HIP1: variants seen among roughly 807,000 people sequenced by gnomAD.
The protein encoded by HIP1 is huntingtin interacting protein 1, also known as huntingtin-interacting protein 1.
In HIP1, 65 loss-of-function variants were observed where a neutral mutation model predicts 147.6. That is an observed-to-expected ratio of 0.44 (90% confidence interval 0.36 to 0.54). The LOEUF is 0.54. HIP1 is among the 20% of genes least tolerant of loss of function. The pLI, the probability that HIP1 is intolerant of heterozygous loss-of-function variation, is 0.00. For synonymous variants in HIP1, 479 were observed against 504.0 expected (o/e 0.95, Z 0.67); for missense variants, 1,061 against 1,299.6 (o/e 0.82, Z 2.82).
intron 1 of HIP1, among the ~76,000 whole-genome samples, chr7:75,620,376 A>G (rs1554506819): frequency 1.6e-5 from 2 of 127,284 alleles, no homozygotes; most frequent in African/African-American, 6.4e-5. Flanking sequence ...ACAGAGCAAG[A>G]CCATGTCTTT....
intron 1 of HIP1, among the ~76,000 whole-genome samples, chr7:75,690,757 A>C (rs1423632883): frequency 2.0e-5 from 3 of 151,764 alleles, no homozygotes; most frequent in African/African-American, 7.3e-5. Context: ...AGCTACTCGG[A>C]AGGCTGAGGC....
At chr7:75,651,151 G>A (rs1172822548) in intron 1 of HIP1, among the ~76,000 whole-genome samples, 1 of 151,782 alleles carries the variant, frequency 6.6e-6, no homozygotes, top group Non-Finnish European at 1.5e-5. Context: ...GCATGAAAAC[G>A]GGGGAGGGTG....
chr7:75,572,200 G>T (rs1195498122), intron 8 of HIP1, among the ~76,000 whole-genome samples: 2 of 150,958 alleles, frequency 1.3e-5, no homozygotes, highest in African/African-American at 4.9e-5. Context: ...CTCTAGCCTG[G>T]GTGAGAGAGT....
intron 1 of HIP1, among the ~76,000 whole-genome samples, chr7:75,673,224 T>C (rs1799779201): frequency 1.3e-5 from 2 of 151,924 alleles, no homozygotes; most frequent in African/African-American, 4.8e-5. Flanking sequence ...AGTTTCACTA[T>C]ATTGACCAGG....
intron 2 of HIP1, among the ~76,000 whole-genome samples, chr7:75,594,205 G>A (rs1301922613): frequency 8.6e-5 from 13 of 151,854 alleles, no homozygotes; most frequent in Non-Finnish European, 1.3e-4. Flanking sequence ...GCTTGAACCC[G>A]GGAGGCAGAG....
At chr7:75,638,729 C>A (rs1554510033) in intron 1 of HIP1, among the ~76,000 whole-genome samples, 2 of 152,126 alleles carry the variant, frequency 1.3e-5, no homozygotes, top group African/African-American at 2.4e-5. Context: ...CCCCTTCCGG[C>A]GGCGCTGCCC....
At chr7:75,612,537 G>A (rs763211932) in intron 1 of HIP1, among the ~76,000 whole-genome samples, 6 of 151,408 alleles carry the variant, frequency 4.0e-5, no homozygotes, top group Non-Finnish European at 8.8e-5. Flanking sequence ...GGCTGGGCGC[G>A]GTGGCTCATG....
chr7:75,661,497 C>A (rs1055877139), intron 1 of HIP1, among the ~76,000 whole-genome samples: 6 of 146,854 alleles, frequency 4.1e-5, no homozygotes, highest in African/African-American at 1.5e-4. Flanking sequence ...CACTTGAACC[C>A]AGGAGGCGGA....
At chr7:75,723,940 A>C (rs1212816271) in intron 1 of HIP1, among the ~76,000 whole-genome samples, 1 of 133,992 alleles carries the variant, frequency 7.5e-6, no homozygotes, top group Non-Finnish European at 1.6e-5. Flanking sequence ...ATTATCATTT[A>C]TATATATATA....
chr7:75,700,887 A>G (rs1374003456), intron 1 of HIP1, among the ~76,000 whole-genome samples: 14 of 151,622 alleles, frequency 9.2e-5, no homozygotes, highest in African/African-American at 3.4e-4. Context: ...TTGTATTTTT[A>G]GTAGAGACGG....
chr7:75,599,113 G>A (rs1360477629), intron 2 of HIP1, 71 bp downstream of exon 2: 7 of 1,165,076 alleles, frequency 6.0e-6, no homozygotes, highest in Non-Finnish European at 9.1e-6. Flanking sequence ...AAGGCAGCCT[G>A]GCCCTGACCT....
At chr7:75,716,830 G>T (rs868985488) in intron 1 of HIP1, among the ~76,000 whole-genome samples, 4 of 150,410 alleles carry the variant, frequency 2.7e-5, no homozygotes, top group South Asian at 2.1e-4. Flanking sequence ...TTTTTTAGGG[G>T]GGGGGAAAGG....
At chr7:75,557,419 C>G (rs2116821831) in intron 16 of HIP1, among the ~76,000 whole-genome samples, 1 of 152,310 alleles carries the variant, frequency 6.6e-6, no homozygotes, top group Admixed American at 6.5e-5. Flanking sequence ...TCTCCACCAG[C>G]CTCATCCTTG....
chr7:75,585,539 C>T (rs992670055), intron 5 of HIP1, among the ~76,000 whole-genome samples: 4 of 152,010 alleles, frequency 2.6e-5, no homozygotes, highest in South Asian at 4.2e-4. Context: ...TACCAGAGCC[C>T]GGTCCTCCCT....
intron 1 of HIP1, among the ~76,000 whole-genome samples, chr7:75,615,094 A>G (rs587602150): frequency 6.6e-6 from 1 of 152,100 alleles, no homozygotes; most frequent in South Asian, 2.1e-4. Flanking sequence ...TTTACTGAAT[A>G]CCTACTACAC....
intron 2 of HIP1, among the ~76,000 whole-genome samples, chr7:75,595,257 TTCCTTCCTTC>T (rs1796680421): frequency 1.8e-4 from 21 of 119,670 alleles, no homozygotes; most frequent in Middle Eastern, 4.1e-3. Flanking sequence ...TCTTTCTTCC[TTCCTTCCTTC>T]CTTCCTTCCT....
intron 23 of HIP1, among the ~76,000 whole-genome samples, chr7:75,548,538 G>A (rs1554491473): frequency 2.6e-5 from 4 of 151,952 alleles, no homozygotes; most frequent in African/African-American, 9.7e-5. Context: ...AGAGTGCAGT[G>A]GTGCAATCAT....
chr7:75,618,621 G>T (rs587661836), intron 1 of HIP1, among the ~76,000 whole-genome samples: 1 of 152,218 alleles, frequency 6.6e-6, no homozygotes, highest in South Asian at 2.1e-4. Context: ...GGTTAGTTTT[G>T]TCTCTTCTCT....
chr7:75,565,141 C>T (rs1042119194), intron 9 of HIP1, among the ~76,000 whole-genome samples: 1 of 152,162 alleles, frequency 6.6e-6, no homozygotes, highest in Admixed American at 6.6e-5. Context: ...CCCAGGGTCT[C>T]GTTACAGCCT....
Sources: gnomAD v4.1 joint callset for allele counts (sites outside exome capture counted in the v4.1 genomes callset) on GRCh38, gnomAD v4.1.1 for gene constraint, MANE v1.5 for transcripts, NCBI Gene and HGNC (gene_info 2026-07-23, HGNC 2026-07-21) for gene names.